SCFD2: variants seen among roughly 807,000 people sequenced by gnomAD.
SCFD2 encodes the protein sec1 family domain-containing protein 2.
SCFD2 carries 54 observed loss-of-function variants against 58.9 expected under a neutral mutation model. The observed-to-expected ratio is 0.92, with a 90% CI of 0.74 to 1.15. The LOEUF is 1.15. Among genes scored for constraint, SCFD2 ranks in the 50% most tolerant of loss-of-function variants. The pLI is 0.00. For missense variants in SCFD2, 805 were observed against 836.6 expected, an observed-to-expected ratio of 0.96 and a Z score of 0.47; for synonymous variants, 321 against 335.9, an observed-to-expected ratio of 0.96 and a Z score of 0.49.
At chr4:53,252,303 T>C (rs942211888) in intron 4 of SCFD2, among the ~76,000 whole-genome samples, 4 of 149,210 alleles carry the variant, frequency 2.7e-5, no homozygotes, top group African/African-American at 4.9e-5. Context: ...AAAATGGCCA[T>C]ACTGCCCAAG....
At position 53,083,653 on chromosome 4, in the gene SCFD2, C is replaced by T. The variant is rs576670983; in HGVS notation, c.1561+61680G>A. ...TTCAACATAGGTTCTTTCTATTTTC[C>T]ATTAAGTGTCAGCCAGCTGAGAAAT... On this transcript the variant is annotated intron_variant, in intron 5 of 8. Transcript: ENST00000401642. Among the ~76,000 whole-genome samples the T allele has an allele frequency of 4.6e-5, 7 of 152,148 alleles. No homozygotes were observed. In the South Asian group the frequency reaches 1.5e-3, roughly 32 times the overall value.
chr4:53,185,393 T>C (rs1419160208), intron 4 of SCFD2, among the ~76,000 whole-genome samples: 1 of 152,100 alleles, frequency 6.6e-6, no homozygotes, highest in Non-Finnish European at 1.5e-5. Flanking sequence ...TTAGCTGCTT[T>C]GAATTATAAT....
intron 5 of SCFD2, among the ~76,000 whole-genome samples, chr4:53,035,757 A>AAATCAAAAC (rs1722742191): frequency 6.6e-6 from 1 of 152,240 alleles, no homozygotes; most frequent in Non-Finnish European, 1.5e-5. Context: ...AGAGAAATGC[A>AAATCAAAAC]AATCAAAACC....
intron 7 of SCFD2, among the ~76,000 whole-genome samples, chr4:52,890,077 T>C (rs149554048): frequency 2.0e-5 from 3 of 152,370 alleles, no homozygotes; most frequent in African/African-American, 7.2e-5. Flanking sequence ...GCTTTATGCA[T>C]AGTTCTTCTG....
rs1352146495 is a variant in SCFD2, at chr4:53,209,398, AG to A, written c.1312-63817del. Among the ~76,000 whole-genome samples the A allele has an allele frequency of 2.2e-4, 34 of 152,216 alleles. 1 individual carries two copies. In the South Asian group the frequency reaches 6.8e-3, roughly 31 times the overall value. On this transcript the variant is annotated intron_variant, in intron 4 of 8. Transcript: ENST00000401642. ...GGGAACTGGATGCTGAGGTTGGAAA[AG>A]TGTGATGACTCTCTTCAAAGACCAA... is the stretch of plus-strand genomic sequence containing the variant.
At chr4:53,328,984 G>A (rs909427376) in intron 2 of SCFD2, among the ~76,000 whole-genome samples, 6 of 152,212 alleles carry the variant, frequency 3.9e-5, no homozygotes, top group African/African-American at 7.2e-5. Flanking sequence ...AAGGGGTGAC[G>A]GACACACCTG....
intron 5 of SCFD2, among the ~76,000 whole-genome samples, chr4:53,028,114 G>C (rs1722524257): frequency 1.3e-5 from 2 of 151,984 alleles, no homozygotes; most frequent in South Asian, 4.2e-4. Context: ...GGGCGTGGTG[G>C]CAGGCTCCTG....
At chr4:53,194,446 C>A (rs934667650) in intron 4 of SCFD2, among the ~76,000 whole-genome samples, 2 of 152,130 alleles carry the variant, frequency 1.3e-5, no homozygotes, top group Admixed American at 6.6e-5. Context: ...TTGTGCCTCA[C>A]TTTTGAAGAC....
At chr4:52,923,351 G>A (rs1003063167) in intron 5 of SCFD2, among the ~76,000 whole-genome samples, 15 of 151,984 alleles carry the variant, frequency 9.9e-5, no homozygotes, top group East Asian at 7.7e-4. Context: ...GTGGCAGGCC[G>A]CGTATAATCC....
At chr4:53,357,142 C>T (rs1345790770) in intron 1 of SCFD2, among the ~76,000 whole-genome samples, 1 of 152,012 alleles carries the variant, frequency 6.6e-6, no homozygotes, top group Admixed American at 6.6e-5. Flanking sequence ...TTATTTCAAG[C>T]CAGGCTCGGT....
chr4:53,266,453 A>G (rs1227042185), intron 4 of SCFD2, among the ~76,000 whole-genome samples: 1 of 152,188 alleles, frequency 6.6e-6, no homozygotes, highest in Non-Finnish European at 1.5e-5. Flanking sequence ...AAATATGTGT[A>G]TTAATACACA....
chr4:52,892,718 T>C lies in SCFD2; in HGVS notation c.1843-6852A>G, dbSNP rs111784168. On this transcript the variant is annotated intron_variant, in intron 7 of 8. Coordinates refer to ENST00000401642, the MANE Select transcript of SCFD2 (RefSeq NM_152540.4). Reference sequence around the variant, plus strand: ...CACCACACCACTTATCTCTCCTCTCTGCAATCCTCAATTTTCTTATCCATC... The same window carrying C: ...CACCACACCACTTATCTCTCCTCTCCGCAATCCTCAATTTTCTTATCCATC... Among the ~76,000 whole-genome samples, 1,458 of 152,336 alleles carry C rather than the reference T, an allele frequency of 9.6e-3. 27 individuals are homozygous for C. The highest frequency in any genetic ancestry group is 0.033 in the African/African-American group (1,386 of 41,568).
At chr4:53,251,986 C>G (rs1342300124) in intron 4 of SCFD2, among the ~76,000 whole-genome samples, 5 of 152,134 alleles carry the variant, frequency 3.3e-5, no homozygotes, top group Admixed American at 3.3e-4. Flanking sequence ...TAGAAAACCC[C>G]ATCATCTCAG....
chr4:53,358,894 A>C (rs537253841), intron 1 of SCFD2, among the ~76,000 whole-genome samples: 13 of 152,348 alleles, frequency 8.5e-5, no homozygotes, highest in East Asian at 7.7e-4. Context: ...AAAGTAAGCC[A>C]GAATGAAAGA....
chr4:53,322,808 C>T (rs1733065782), intron 2 of SCFD2, among the ~76,000 whole-genome samples: 1 of 152,186 alleles, frequency 6.6e-6, no homozygotes, highest in South Asian at 2.1e-4. Context: ...CACAGATCAG[C>T]ACTTGCTCCA....
chr4:53,196,489 T>C (rs1358004600), intron 4 of SCFD2, among the ~76,000 whole-genome samples: 1 of 152,174 alleles, frequency 6.6e-6, no homozygotes, highest in East Asian at 1.9e-4. Context: ...TGTTATAAAC[T>C]GCCTGTTTCC....
intron 4 of SCFD2, among the ~76,000 whole-genome samples, chr4:53,181,201 C>CA (rs1313005821): frequency 6.6e-6 from 1 of 151,924 alleles, no homozygotes; most frequent in East Asian, 1.9e-4. Context: ...GAGACACAAC[C>CA]AAAAAAGAGA....
At chr4:53,364,211 A>G (rs1191970845) in intron 1 of SCFD2, among the ~76,000 whole-genome samples, 1 of 152,136 alleles carries the variant, frequency 6.6e-6, no homozygotes, top group Non-Finnish European at 1.5e-5. Flanking sequence ...TTATCTGAAA[A>G]TTAATCTTAT....
At chr4:53,022,080 C>A (rs1480047594) in intron 5 of SCFD2, among the ~76,000 whole-genome samples, 1 of 152,184 alleles carries the variant, frequency 6.6e-6, no homozygotes, top group Non-Finnish European at 1.5e-5. Flanking sequence ...TTGTCAGAAA[C>A]ACTTCCACTA....
Sources: allele counts gnomAD v4.1 joint callset (sites outside exome capture counted in the v4.1 genomes callset), GRCh38; gene constraint gnomAD v4.1.1; transcripts MANE v1.5; gene names NCBI Gene and HGNC (gene_info 2026-07-23, HGNC 2026-07-21).